Variants in ADGRG6 observed in about 807,000 individuals in gnomAD.
ADGRG6 encodes the protein adhesion G protein-coupled receptor G6.
ADGRG6 carries 84 observed loss-of-function variants against 142.4 expected under a neutral mutation model. The ratio of observed to expected loss-of-function variants is 0.59; its 90% CI spans 0.49 to 0.71. The LOEUF (loss-of-function observed/expected upper bound fraction) is 0.71. Among genes scored for constraint, ADGRG6 ranks in the 30% least tolerant of loss-of-function variants. The pLI is 0.00. For synonymous variants in ADGRG6, 521 were observed against 520.5 expected, an observed-to-expected ratio of 1.00 and a Z score of -0.01; for missense variants, 1,367 against 1,466.6, an observed-to-expected ratio of 0.93 and a Z score of 1.11.
intron 4 of ADGRG6, among the ~76,000 whole-genome samples, chr6:142,374,831 T>A (rs1235074162): frequency 6.6e-6 from 1 of 152,250 alleles, no homozygotes; most frequent in East Asian, 1.9e-4. Flanking sequence ...TACAACATGT[T>A]TTAATATAGG....
chr6:142,414,667 A>G (rs1327867089), intron 18 of ADGRG6, among the ~76,000 whole-genome samples: 2 of 152,092 alleles, frequency 1.3e-5, no homozygotes, highest in Non-Finnish European at 2.9e-5. Context: ...CTCCTCTCCA[A>G]TTTCTGTTGA....
chr6:142,388,754 G>A (rs182323524), intron 6 of ADGRG6, among the ~76,000 whole-genome samples: 111 of 152,100 alleles, frequency 7.3e-4, no homozygotes, highest in African/African-American at 1.8e-3. Context: ...AGTTTCCACC[G>A]AATGCCTGTT....
At chr6:142,374,318 G>A (rs1212900365) in intron 4 of ADGRG6, among the ~76,000 whole-genome samples, 1 of 152,182 alleles carries the variant, frequency 6.6e-6, no homozygotes, top group Non-Finnish European at 1.5e-5. Context: ...GACATGGGTG[G>A]TGGTAGTAGC....
chr6:142,382,334 A>C (rs1781809727), intron 5 of ADGRG6, among the ~76,000 whole-genome samples: 1 of 152,198 alleles, frequency 6.6e-6, no homozygotes, highest in East Asian at 1.9e-4. Flanking sequence ...TTGGACTTGC[A>C]AAAAGTCCAG....
At chr6:142,382,246 G>A (rs1277916312) in intron 5 of ADGRG6, among the ~76,000 whole-genome samples, 6 of 152,132 alleles carry the variant, frequency 3.9e-5, no homozygotes, top group Admixed American at 3.9e-4. Context: ...ACAAAGCTCT[G>A]AGTTTTAAAA....
intron 6 of ADGRG6, among the ~76,000 whole-genome samples, chr6:142,388,446 A>G (rs1782139569): frequency 1.3e-5 from 2 of 152,110 alleles, no homozygotes; most frequent in Non-Finnish European, 2.9e-5. Flanking sequence ...GCTAGCATTG[A>G]TAATACAGAT....
intron 18 of ADGRG6, among the ~76,000 whole-genome samples, chr6:142,411,780 TACTA>T (rs1776101383): frequency 6.6e-6 from 1 of 152,062 alleles, no homozygotes; most frequent in Non-Finnish European, 1.5e-5. Flanking sequence ...TGTTGGGTGT[TACTA>T]ACATGGAAGG....
chr6:142,397,782 G>A (rs767573896), intron 10 of ADGRG6, 27 bp downstream of exon 10: 7 of 1,426,212 alleles, frequency 4.9e-6, no homozygotes, highest in Non-Finnish European at 6.6e-6. Flanking sequence ...TTTATAATAT[G>A]CATTTTATAC....
At chr6:142,430,017 C>T (rs771161234) in intron 22 of ADGRG6, among the ~76,000 whole-genome samples, 13 of 152,122 alleles carry the variant, frequency 8.5e-5, no homozygotes, top group Non-Finnish European at 1.6e-4. Context: ...TGTTACTGCA[C>T]TCCAGCCTGG....
chr6:142,355,470 C>T (rs1292009472), intron 2 of ADGRG6, among the ~76,000 whole-genome samples: 1 of 151,804 alleles, frequency 6.6e-6, no homozygotes, highest in East Asian at 1.9e-4. Context: ...TCTCAAATAC[C>T]ACTACAAAGC....
Position 142,307,344 on chromosome 6 carries a change from CT to C in ADGRG6, c.3-2193del, listed in dbSNP as rs547067681. 1.2e-3 allele frequency among the ~76,000 whole-genome samples: 181 copies of C among 152,012 alleles called. 1 individual carries two copies. The highest frequency in any genetic ancestry group is 4.0e-3 in the African/African-American group (168 of 41,488). ...CTTTATTTTTCTGGACCTAAGTTTC[CT>C]TTTTTTGTGAAATGAGGTTAGATTA... On this transcript the variant is annotated intron_variant, in intron 1 of 24. Coordinates refer to ENST00000367609, the MANE Select transcript of ADGRG6 (RefSeq NM_198569.3).
At chr6:142,416,343 C>T (rs1299498053) in intron 20 of ADGRG6, among the ~76,000 whole-genome samples, 1 of 152,122 alleles carries the variant, frequency 6.6e-6, no homozygotes, top group East Asian at 1.9e-4. Flanking sequence ...CCAGCCCACC[C>T]AAGTCTGAAG....
intron 16 of ADGRG6, among the ~76,000 whole-genome samples, chr6:142,408,751 CTGTT>C (rs1307272629): frequency 1.3e-5 from 2 of 152,188 alleles, no homozygotes; most frequent in East Asian, 3.9e-4. Flanking sequence ...CCCTTGTCAT[CTGTT>C]TGTTTGATAA....
rs765184344 is a variant in ADGRG6, at chr6:142,420,093, A to G, written c.3308A>G (p.Asn1103Ser). 1.5e-5 allele frequency: 24 copies of G among 1,611,226 alleles called. No individual in the cohort carries two copies. The highest frequency in any genetic ancestry group is 1.3e-4 in the Admixed American group (8 of 59,832). The change falls in exon 22 of 25, where the codon AAT becomes AGT. Residue 1103 changes from asparagine to serine, a missense_variant. Transcript: ENST00000367609. ...IPFMYLFSIF[N>S]SLQGLFIFIF... ...TTCATGTACCTCTTCTCCATCTTCA[A>G]TTCATTACAAGGTAAGATAAATTGT...
intron 2 of ADGRG6, among the ~76,000 whole-genome samples, chr6:142,362,615 C>G (rs1780776652): frequency 6.6e-6 from 1 of 152,174 alleles, no homozygotes; most frequent in African/African-American, 2.4e-5. Context: ...GCCTTGGATT[C>G]TATGCCATCT....
chr6:142,376,536 G>C (rs1161815715), intron 4 of ADGRG6, among the ~76,000 whole-genome samples: 1 of 151,952 alleles, frequency 6.6e-6, no homozygotes, highest in Admixed American at 6.6e-5. Flanking sequence ...TCAACTCTTG[G>C]ATTTTTACCG....
At chr6:142,330,177 G>T (rs1352551713) in intron 2 of ADGRG6, among the ~76,000 whole-genome samples, 1 of 151,784 alleles carries the variant, frequency 6.6e-6, no homozygotes, top group Non-Finnish European at 1.5e-5. Flanking sequence ...CTCCATCCAT[G>T]TCCCTCCAAA....
intron 4 of ADGRG6, among the ~76,000 whole-genome samples, chr6:142,378,605 T>C (rs145981541): frequency 6.6e-6 from 1 of 152,312 alleles, no homozygotes; most frequent in East Asian, 1.9e-4. Context: ...AATGTTCTTT[T>C]TTCATTGTGC....
intron 2 of ADGRG6, among the ~76,000 whole-genome samples, chr6:142,359,668 A>C (rs895944510): frequency 2.0e-5 from 3 of 152,216 alleles, no homozygotes; most frequent in African/African-American, 7.2e-5. Flanking sequence ...ATTTATCTGC[A>C]TTTCCAATAA....
Sources: allele counts gnomAD v4.1 joint callset (sites outside exome capture counted in the v4.1 genomes callset), GRCh38; gene constraint gnomAD v4.1.1; transcripts MANE v1.5; gene names NCBI Gene and HGNC (gene_info 2026-07-23, HGNC 2026-07-21).